The following MAP4K2 variants were observed in gnomAD, a reference collection of about 807,000 sequenced individuals.
MAP4K2 encodes B lymphocyte serine/threonine protein kinase.
MAP4K2 carries 85 observed loss-of-function variants against 125.3 expected under a neutral mutation model. The observed-to-expected ratio is 0.68, with a 90% confidence interval of 0.57 to 0.81. The LOEUF (loss-of-function observed/expected upper bound fraction) is 0.81. Ranked by LOEUF, MAP4K2 falls within the 40% of genes least tolerant of loss-of-function variation. The pLI is 0.00. For synonymous variants in MAP4K2, 479 were observed against 445.1 expected (o/e 1.08, Z -0.96); for missense variants, 923 against 1,056.4 (o/e 0.87, Z 1.75).
In MAP4K2 at chr11:64,797,202, C is replaced by T. The variant is rs375141759; in HGVS notation, c.1277-10G>A. On this transcript the variant is annotated splice_polypyrimidine_tract_variant and intron_variant, in intron 18 of 31. Transcript: ENST00000294066. ...GGTGGGGGCAGGGTTCCTGCAGGCA[C>T]AGGCGTGCTGTAATTTCCTGCTGTA... 3.1e-6 allele frequency: 5 copies of T among 1,612,560 alleles called. No individual in the cohort carries two copies. The South Asian group carries it at 5.5e-5, about 18-fold the overall frequency.
chr11:64,793,800 G>C (rs1311902480), intron 24 of MAP4K2, among the ~76,000 whole-genome samples: 2 of 152,226 alleles, frequency 1.3e-5, no homozygotes, highest in African/African-American at 4.8e-5. Flanking sequence ...AGTGCTCACT[G>C]TGCCTCTGCC....
At chr11:64,795,757 C>G (rs926584610) in intron 24 of MAP4K2, among the ~76,000 whole-genome samples, 12 of 152,090 alleles carry the variant, frequency 7.9e-5, no homozygotes, top group African/African-American at 2.9e-4. Context: ...TGATTTCAAA[C>G]ACATGGCCTC....
chr11:64,800,285 C>G (rs746788058), intron 11 of MAP4K2, 26 bp downstream of exon 11: 1 of 1,613,484 alleles, frequency 6.2e-7, no homozygotes, highest in Non-Finnish European at 8.5e-7. Context: ...AGTACTGGGC[C>G]TCTCTCCCGG....
chr11:64,792,166 C>A lies in MAP4K2; in HGVS notation c.1914+6G>T, dbSNP rs1161553997. The A allele has an allele frequency of 9.3e-6, 15 of 1,607,286 alleles. No individual in the cohort carries two copies. The highest frequency in any genetic ancestry group is 8.5e-7 in the Non-Finnish European group (1 of 1,177,162). ...GTGCCCTGGGCCTCCCCCCACCGCC[C>A]CTCACCTTCAGCAGCAGAAACTTCT... is the stretch of plus-strand genomic sequence containing the variant. On this transcript the variant is annotated splice_donor_region_variant and intron_variant, in intron 26 of 31. Coordinates refer to ENST00000294066, the MANE Select transcript of MAP4K2 (RefSeq NM_004579.5).
intron 7 of MAP4K2, among the ~76,000 whole-genome samples, 195 bp downstream of exon 7, chr11:64,801,384 G>A (rs1421263502): frequency 6.6e-6 from 1 of 152,168 alleles, no homozygotes; most frequent in Non-Finnish European, 1.5e-5. Flanking sequence ...GGAGTGCCTG[G>A]TCCCATGTCA....
chr11:64,791,763 C>T, intron 27 of MAP4K2, 146 bp downstream of exon 27: 5 of 829,456 alleles, frequency 6.0e-6, no homozygotes, highest in Non-Finnish European at 8.8e-6. Flanking sequence ...GCTGTGGGCC[C>T]CAGACCCCAC....
chr11:64,789,511 G>A lies in MAP4K2; in HGVS notation c.*26C>T. On this transcript the variant is annotated 3_prime_UTR_variant, in exon 32 of 32. Transcript: ENST00000294066. ...GCAGCTAAGGCGTGGGGTGGGGCGG[G>A]GAGCCCCTGGACAGGCCCGCTGCTC... is the stretch of plus-strand genomic sequence containing the variant. 6.4e-7 allele frequency: 1 copy of A among 1,555,198 alleles called. No individual in the cohort carries two copies.
chr11:64,793,871 C>T (rs1177563759), intron 24 of MAP4K2, among the ~76,000 whole-genome samples: 1 of 152,234 alleles, frequency 6.6e-6, no homozygotes, highest in Non-Finnish European at 1.5e-5. Context: ...GGGCCTGTTT[C>T]CTGTAGGTCC....
intron 25 of MAP4K2, 28 bp downstream of exon 25, chr11:64,792,336 G>T: frequency 3.3e-6 from 2 of 614,804 alleles, no homozygotes; most frequent in South Asian, 2.0e-5. Flanking sequence ...ACCAGGCCCC[G>T]CCCCACCCCG....
chr11:64,799,325 G>T, intron 14 of MAP4K2, 96 bp downstream of exon 14: 2 of 1,485,224 alleles, frequency 1.3e-6, no homozygotes, highest in Non-Finnish European at 9.2e-7. Flanking sequence ...AGGCCACCCA[G>T]CTTCAAATCT....
chr11:64,790,566 G>T, intron 27 of MAP4K2, 104 bp from the exon 28 acceptor site: 2 of 1,053,780 alleles, frequency 1.9e-6, no homozygotes, highest in Non-Finnish European at 1.4e-6. Context: ...ATGAGGGCAC[G>T]TCAGCCTCAC....
chr11:64,787,556 C>T lies in MAP4K2; in HGVS notation c.*1981G>A, dbSNP rs372131314. 5.9e-5 allele frequency: 9 copies of T among 152,296 alleles called. No homozygotes were observed. In the South Asian group the frequency reaches 1.7e-3, roughly 28 times the overall value. 9.4% of individuals were successfully genotyped at this position (152,296 alleles called of 1,614,324 possible). The stretch of plus-strand genomic sequence containing the variant: ...AAATATGTACCATGGGCAAAGGTTA[C>T]GCATTTAAAAATACATAAATAAAAT... On this transcript the variant is annotated 3_prime_UTR_variant, in exon 32 of 32. Coordinates refer to ENST00000294066, the MANE Select transcript of MAP4K2 (RefSeq NM_004579.5).
chr11:64,792,955 G>C (rs1055850095), intron 24 of MAP4K2, among the ~76,000 whole-genome samples: 12 of 152,204 alleles, frequency 7.9e-5, no homozygotes, highest in Admixed American at 7.9e-4. Flanking sequence ...AACGGCTCAC[G>C]CCTGTAATCC....
chr11:64,793,247 G>T (rs529458204), intron 24 of MAP4K2, among the ~76,000 whole-genome samples: 1 of 152,126 alleles, frequency 6.6e-6, no homozygotes, highest in Admixed American at 6.5e-5. Context: ...AAGGAATGAA[G>T]AAATGAGAGC....
At position 64,787,377 on chromosome 11, in the gene MAP4K2, T is replaced by C. The variant is rs1272816774; in HGVS notation, c.*2160A>G. ...CAAGGTCAGTACAGTATGTGGAATA[T>C]GTTAATACGTATATAAAAAATCGCC... On this transcript the variant is annotated 3_prime_UTR_variant, in exon 32 of 32. Coordinates refer to ENST00000294066, the MANE Select transcript of MAP4K2 (RefSeq NM_004579.5). 3.3e-5 allele frequency: 5 copies of C among 152,136 alleles called. No homozygotes were observed. The highest frequency in any genetic ancestry group is 1.2e-4 in the African/African-American group (5 of 41,410). The allele number at this position is 152,136 out of a possible 1,614,324, so 9.4% of individuals were successfully genotyped here.
At chr11:64,797,751 G>A (rs1250541504) in intron 15 of MAP4K2, 87 bp from the exon 16 acceptor site, 3 of 1,307,120 alleles carry the variant, frequency 2.3e-6, no homozygotes, top group Admixed American at 6.1e-5. Context: ...TGTCACCCAG[G>A]CCGGAGTGCA....
chr11:64,801,077 G>A, intron 8 of MAP4K2, 34 bp downstream of exon 8: 1 of 1,613,664 alleles, frequency 6.2e-7, no homozygotes, highest in Non-Finnish European at 8.5e-7. Flanking sequence ...CCTGCTCTGT[G>A]GCCCCTACCC....
rs1451791158 is a variant in MAP4K2 at position 64,803,200 on chromosome 11, G to A, written c.-51C>T. 1.4e-6 allele frequency: 1 copy of A among 705,284 alleles called. No homozygotes were observed. The highest frequency in any genetic ancestry group is 2.0e-5 in the African/African-American group (1 of 50,850). The allele number at this position is 705,284 out of a possible 1,614,324, so 43.7% of individuals were successfully genotyped here. ...GCGGGCGGGCGCGAGCTGCGGAGCC[G>A]GCGCGGGGCGGCGCGGGGCGGGGCG... On this transcript the variant is annotated 5_prime_UTR_variant, in exon 1 of 32. Transcript: ENST00000294066.
At position 64,792,336 on chromosome 11, in the gene MAP4K2, G is replaced by A. The variant is rs374740529; in HGVS notation, c.1810+28C>T. ...CCTGCGCTGCCCCCCACCAGGCCCC[G>A]CCCCACCCCGCCCAGCCCATTTCTT... On this transcript the variant is annotated intron_variant, in intron 25 of 31. Coordinates refer to ENST00000294066, the MANE Select transcript of MAP4K2 (RefSeq NM_004579.5). 5.5e-3 allele frequency: 3,449 copies of A among 623,518 alleles called. 8 individuals are homozygous for A. Among genetic ancestry groups the A allele is most frequent in the Non-Finnish European group, 7.2e-3 (3,095 of 428,992 alleles). 38.6% of individuals were successfully genotyped at this position (623,518 alleles called of 1,614,324 possible). A position where few individuals can be genotyped will look rare whatever the true frequency, so the allele number is the denominator to read the frequency against.
Sources: allele counts gnomAD v4.1 joint callset (sites outside exome capture counted in the v4.1 genomes callset), GRCh38; gene constraint gnomAD v4.1.1; transcripts MANE v1.5; gene names NCBI Gene and HGNC (gene_info 2026-07-23, HGNC 2026-07-21).